Variants in SARNP observed in about 807,000 individuals in gnomAD.
SARNP encodes SAP domain containing ribonucleoprotein, also known as SAP domain-containing ribonucleoprotein.
A neutral mutation model predicts 38.1 loss-of-function variants in SARNP; 5 were observed. The ratio of observed to expected loss-of-function variants is 0.13; its 90% CI spans 0.07 to 0.28. SARNP has a LOEUF of 0.28. Among genes scored for constraint, SARNP ranks in the 10% least tolerant of loss-of-function variants. SARNP has a pLI of 1.00. For synonymous variants in SARNP, 84 were observed against 80.6 expected (o/e 1.04, Z -0.23); for missense variants, 180 against 243.9 (o/e 0.74, Z 1.75).
intron 1 of SARNP, among the ~76,000 whole-genome samples, chr12:55,814,218 C>T (rs746996498): frequency 7.2e-5 from 11 of 152,264 alleles, no homozygotes; most frequent in East Asian, 1.9e-4. Context: ...AAATCCCATC[C>T]GCCAAGAGAA....
intron 9 of SARNP, among the ~76,000 whole-genome samples, chr12:55,785,214 T>A (rs1025250599): frequency 6.6e-6 from 1 of 152,180 alleles, no homozygotes; most frequent in African/African-American, 2.4e-5. Context: ...GCTATACGTA[T>A]TGACAATCAA....
At chr12:55,785,241 A>G (rs752290412) in intron 9 of SARNP, among the ~76,000 whole-genome samples, 2 of 152,160 alleles carry the variant, frequency 1.3e-5, no homozygotes, top group Non-Finnish European at 1.5e-5. Context: ...TAGAGAAGGA[A>G]GCTCACAGCC....
intron 1 of SARNP, among the ~76,000 whole-genome samples, chr12:55,814,848 G>A (rs551725018): frequency 2.0e-5 from 3 of 150,134 alleles, no homozygotes; most frequent in African/African-American, 2.4e-5. Flanking sequence ...CAACCTGGGC[G>A]ACAGAGCGAG....
intron 1 of SARNP, among the ~76,000 whole-genome samples, chr12:55,805,714 G>C (rs1333578107): frequency 6.6e-6 from 1 of 152,178 alleles, no homozygotes; most frequent in African/African-American, 2.4e-5. Context: ...GGGCATGGTG[G>C]CAGGTGCTTA....
rs3741504 is a variant in SARNP, at chr12:55,789,062, G to A, written c.501+13C>T. On this transcript the variant is annotated intron_variant, in intron 9 of 10. Transcript: ENST00000336133. ...ATGTCACAAAAACATTACTTCCATC[G>A]AGCCTACATTACCTTTCTGGAGATT... 11 of 1,571,224 alleles carry A rather than the reference G, an allele frequency of 7.0e-6. No homozygotes were observed. Among genetic ancestry groups the A allele is most frequent in the African/African-American group, 6.8e-5 (5 of 73,778 alleles).
intron 1 of SARNP, among the ~76,000 whole-genome samples, chr12:55,809,223 T>C (rs1021250405): frequency 2.8e-5 from 4 of 142,780 alleles, no homozygotes; most frequent in Non-Finnish European, 6.2e-5. Flanking sequence ...ACAAAAAATA[T>C]TTTAACAAGT....
Position 55,799,845 on chromosome 12 carries a change from C to T in SARNP, c.251+717G>A, listed in dbSNP as rs997894031. Among the ~76,000 whole-genome samples the T allele has an allele frequency of 4.0e-4, 60 of 150,356 alleles. 1 individual carries two copies. Among genetic ancestry groups the T allele is most frequent in the Non-Finnish European group, 5.9e-5 (4 of 67,622 alleles). On this transcript the variant is annotated intron_variant, in intron 4 of 10. Transcript: ENST00000336133. ...GGGATTACAAGTGTGTGCCACCGTG[C>T]CTGGCCTCAGTTTTACACTTTTCCA...
intron 9 of SARNP, among the ~76,000 whole-genome samples, chr12:55,772,504 A>T (rs1879036781): frequency 6.6e-6 from 1 of 151,954 alleles, no homozygotes; most frequent in African/African-American, 2.4e-5. Flanking sequence ...ACCCCAGAGG[A>T]GGTCGTTTCG....
chr12:55,799,285 C>T (rs1565680933), intron 4 of SARNP, among the ~76,000 whole-genome samples: 1 of 152,148 alleles, frequency 6.6e-6, no homozygotes, highest in African/African-American at 2.4e-5. Flanking sequence ...CTATGAGGAA[C>T]AAAAATGTTC....
At chr12:55,776,410 A>G (rs1879183827) in intron 9 of SARNP, among the ~76,000 whole-genome samples, 1 of 152,172 alleles carries the variant, frequency 6.6e-6, no homozygotes, top group Non-Finnish European at 1.5e-5. Context: ...TCTATAAGTG[A>G]GACCACATCT....
Position 55,796,003 on chromosome 12 carries a change from T to C in SARNP, c.303+22A>G, listed in dbSNP as rs372065612. ...GGAGAGAGAAATGTAGAGACTGTTC[T>C]ACTAGGGAGCAGAATACCTACCTCA... On this transcript the variant is annotated intron_variant, in intron 5 of 10. Coordinates refer to ENST00000336133, the MANE Select transcript of SARNP (RefSeq NM_033082.4). 1.9e-4 allele frequency: 295 copies of C among 1,544,740 alleles called. 1 individual carries two copies. The highest frequency in any genetic ancestry group is 3.0e-4 in the South Asian group (27 of 89,406).
rs1267284437 is a variant in SARNP at position 55,757,381 on chromosome 12, A to C, written c.*131T>G. 2 of 580,380 alleles carry C rather than the reference A, an allele frequency of 3.4e-6. No homozygotes were observed. The highest frequency in any genetic ancestry group is 5.7e-6 in the Non-Finnish European group (2 of 348,340). The allele number at this position is 580,380 out of a possible 1,614,324, so 36.0% of individuals were successfully genotyped here. ...AACTGCTGCCGCAGTTCATGGATGT[A>C]CCTGGGGTACATGCTCCCTCATTGC... is the stretch of plus-strand genomic sequence containing the variant. On this transcript the variant is annotated 3_prime_UTR_variant, in exon 11 of 11. Coordinates refer to ENST00000336133, the MANE Select transcript of SARNP (RefSeq NM_033082.4).
intron 9 of SARNP, among the ~76,000 whole-genome samples, chr12:55,788,155 C>T (rs562211282): frequency 2.6e-5 from 4 of 152,350 alleles, no homozygotes; most frequent in African/African-American, 9.6e-5. Context: ...AAGAGACCAC[C>T]TGCTCTAGGC....
chr12:55,803,829 C>T, intron 1 of SARNP, 101 bp from the exon 2 acceptor site: 1 of 732,630 alleles, frequency 1.4e-6, no homozygotes. Context: ...AAATGAAGTT[C>T]CATCCCAAAT....
At chr12:55,814,453 C>T (rs1008995095) in intron 1 of SARNP, among the ~76,000 whole-genome samples, 16 of 149,718 alleles carry the variant, frequency 1.1e-4, no homozygotes, top group African/African-American at 3.9e-4. Context: ...ATTCTCAACA[C>T]TCTGACACTA....
At chr12:55,761,594 T>C (rs1160985603) in intron 9 of SARNP, 2 of 152,254 alleles carry the variant, frequency 1.3e-5, no homozygotes, top group Non-Finnish European at 2.9e-5. Context: ...CAGTTTACCA[T>C]GAGTTGGAGC....
chr12:55,788,965 G>A (rs1278725774), intron 9 of SARNP, 110 bp downstream of exon 9: 2 of 731,988 alleles, frequency 2.7e-6, no homozygotes, highest in Non-Finnish European at 4.8e-6. Flanking sequence ...TATGTGAAAT[G>A]AAATGCTTTG....
At chr12:55,809,638 G>GAGGCT (rs1372123910) in intron 1 of SARNP, among the ~76,000 whole-genome samples, 1 of 150,408 alleles carries the variant, frequency 6.6e-6, no homozygotes, top group East Asian at 1.9e-4. Flanking sequence ...AGCTACTCGG[G>GAGGCT]AGGCTAAGGC....
At chr12:55,782,648 A>G (rs1879373782) in intron 9 of SARNP, among the ~76,000 whole-genome samples, 1 of 152,104 alleles carries the variant, frequency 6.6e-6, no homozygotes, top group African/African-American at 2.4e-5. Context: ...GTGCAGTGGT[A>G]TGAACATGGC....
Sources: gnomAD v4.1 joint callset for allele counts (sites outside exome capture counted in the v4.1 genomes callset) on GRCh38, gnomAD v4.1.1 for gene constraint, MANE v1.5 for transcripts, NCBI Gene and HGNC (gene_info 2026-07-23, HGNC 2026-07-21) for gene names.